The following TNRC6C variants were observed in gnomAD, a reference collection of about 807,000 sequenced individuals.
The protein encoded by TNRC6C is trinucleotide repeat-containing gene 6C protein.
Under a neutral mutation model 153.7 loss-of-function variants are expected in TNRC6C, and 20 were observed. That is an observed-to-expected ratio of 0.13 (90% CI 0.09 to 0.19). TNRC6C has a LOEUF of 0.19. Ranked by LOEUF, TNRC6C falls within the 10% of genes least tolerant of loss-of-function variation. The pLI, the probability that TNRC6C is intolerant of heterozygous loss-of-function variation, is 1.00. For synonymous variants in TNRC6C, 811 were observed against 841.4 expected, an observed-to-expected ratio of 0.96 and a Z score of 0.63; for missense variants, 1,987 against 2,172.0, an observed-to-expected ratio of 0.91 and a Z score of 1.69.
At chr17:78,048,936 TA>T (rs1484930757) in exon 3 of TNRC6C, 1 of 1,286,294 alleles carries the variant, frequency 7.8e-7, no homozygotes, top group Non-Finnish European at 9.8e-7. Context: ...GCAGCTGGGA[TA>T]AAGTGATAAT....
chr17:77,968,364 C>T (rs537953109), intron 1 of TNRC6C, among the ~76,000 whole-genome samples: 1 of 149,742 alleles, frequency 6.7e-6, no homozygotes, highest in Non-Finnish European at 1.5e-5. Context: ...TTGTTTGAGA[C>T]GTAGTCTTGT....
intron 10 of TNRC6C, among the ~76,000 whole-genome samples, chr17:78,081,131 A>G (rs915898467): frequency 3.3e-5 from 5 of 152,146 alleles, no homozygotes; most frequent in Admixed American, 1.3e-4. Context: ...ATGCATCCTC[A>G]TGTGGTGGAA....
intron 3 of TNRC6C, among the ~76,000 whole-genome samples, chr17:78,054,191 A>G (rs1043371366): frequency 6.6e-6 from 1 of 152,172 alleles, no homozygotes; most frequent in Non-Finnish European, 1.5e-5. Flanking sequence ...AAAATGGTGC[A>G]CCTGTATAGG....
chr17:77,970,906 G>A (rs1341170599), intron 1 of TNRC6C, among the ~76,000 whole-genome samples: 1 of 152,184 alleles, frequency 6.6e-6, no homozygotes. Context: ...CTACTCAGGA[G>A]GCTGAGGTGG....
chr17:77,968,030 T>C (rs1427200599), intron 1 of TNRC6C, among the ~76,000 whole-genome samples: 1 of 152,128 alleles, frequency 6.6e-6, no homozygotes, highest in Non-Finnish European at 1.5e-5. Flanking sequence ...ATTCTTATTA[T>C]TCTTATTCTT....
chr17:78,028,455 G>C (rs1176091963), intron 1 of TNRC6C, among the ~76,000 whole-genome samples: 1 of 152,150 alleles, frequency 6.6e-6, no homozygotes, highest in Non-Finnish European at 1.5e-5. Context: ...TGATTTTCTT[G>C]AGAGATACTT....
rs58348772 is a variant in TNRC6C, at chr17:78,086,328, T to TAAAA, written c.3478-146_3478-143dup. 5.4e-3 allele frequency among the ~76,000 whole-genome samples: 287 copies of TAAAA among 53,344 alleles called. 19 individuals are homozygous for TAAAA. The highest frequency in any genetic ancestry group is 0.013 in the African/African-American group (218 of 17,040). 35.0% of individuals were successfully genotyped at this position (53,344 alleles called of 152,430 possible). The stretch of plus-strand genomic sequence containing the variant: ...CTGGATGACAGAGCGAGACTCCATC[T>TAAAA]AAAAAAAAAAAAAAAAAAAAAAAAA... On this transcript the variant is annotated intron_variant, in intron 11 of 19. Transcript: ENST00000301624.
intron 3 of TNRC6C, among the ~76,000 whole-genome samples, chr17:78,061,818 ACATTTCT>A (rs151114115): frequency 6.6e-6 from 1 of 152,336 alleles, no homozygotes; most frequent in East Asian, 1.9e-4. Flanking sequence ...TACTTACTAG[ACATTTCT>A]CCTGCCTTTA....
In TNRC6C at chr17:78,049,399, G is replaced by C; in HGVS notation, c.337G>C (p.Gly113Arg). ...CAACCCAGCTGCCTGGCCTGTACTT[G>C]GACATGAAGGAACCGTGGCGACAGG... The change falls in exon 3 of 20, where the codon GGA becomes CGA. Residue 113 changes from glycine (G) to arginine (R), a missense_variant. Around this residue, in one of 4 missense-constraint regions of TNRC6C, gnomAD observed 1,052 missense variants for 1,017.0 expected, o/e 1.03. Coordinates refer to ENST00000301624, the Ensembl canonical transcript of TNRC6C. The surrounding 1 kb of genome is among the most constrained non-coding windows in gnomAD (Gnocchi z 4.1). 6.2e-7 allele frequency: 1 copy of C among 1,613,996 alleles called. No individual in the cohort carries two copies. The highest frequency in any genetic ancestry group is 8.5e-7 in the Non-Finnish European group (1 of 1,179,876).
At chr17:77,977,076 G>GT (rs2071011825) in intron 1 of TNRC6C, among the ~76,000 whole-genome samples, 1 of 151,184 alleles carries the variant, frequency 6.6e-6, no homozygotes, top group Non-Finnish European at 1.5e-5. Flanking sequence ...TTTCCAGATG[G>GT]TATCTATTTT....
At chr17:78,064,699 C>G (rs1265412672) in intron 3 of TNRC6C, 23 bp from the exon 6 acceptor site, 3 of 1,608,892 alleles carry the variant, frequency 1.9e-6, no homozygotes, top group Non-Finnish European at 2.5e-6. Context: ...ATTATTTTCT[C>G]TACCCCTTGG....
In TNRC6C at chr17:78,044,806, A is replaced by T. The variant is rs959882369; in HGVS notation, c.-218-4039A>T. ...TTTTGGCTATTAGGCCCTTTACAGA[A>T]ATTGTTTGCCACCCTGGTTGGTCTA... is the stretch of plus-strand genomic sequence containing the variant. On this transcript the variant is annotated intron_variant, in intron 2 of 19. Transcript: ENST00000301624. Among the ~76,000 whole-genome samples the T allele has an allele frequency of 1.7e-4, 26 of 152,194 alleles. 1 individual carries two copies. The highest frequency in any genetic ancestry group is 5.8e-4 in the African/African-American group (24 of 41,446).
intron 1 of TNRC6C, among the ~76,000 whole-genome samples, chr17:77,962,104 T>G (rs1231970123): frequency 6.6e-6 from 1 of 152,228 alleles, no homozygotes; most frequent in Non-Finnish European, 1.5e-5. Context: ...AGGTCTTGAT[T>G]GTAACTTAGT....
intron 3 of TNRC6C, among the ~76,000 whole-genome samples, chr17:78,054,098 A>G (rs947125161): frequency 3.3e-5 from 5 of 152,208 alleles, no homozygotes; most frequent in Non-Finnish European, 7.3e-5. Flanking sequence ...TGTACTGAAT[A>G]CTGTAGGCAG....
At chr17:78,067,332 C>A (rs1452023400) in intron 4 of TNRC6C, among the ~76,000 whole-genome samples, 3 of 152,020 alleles carry the variant, frequency 2.0e-5, no homozygotes, top group Non-Finnish European at 4.4e-5. Context: ...CAGAGCAAGA[C>A]CCTGTTTCAA....
intron 13 of TNRC6C, among the ~76,000 whole-genome samples, chr17:78,090,271 TTA>T (rs2073370368): frequency 6.6e-6 from 1 of 152,184 alleles, no homozygotes; most frequent in South Asian, 2.1e-4. Flanking sequence ...TAGCACCTGT[TTA>T]TTTAGACAGG....
exon 4 of TNRC6C, chr17:78,064,759 A>G: frequency 1.2e-6 from 2 of 1,613,872 alleles, no homozygotes; most frequent in Non-Finnish European, 1.7e-6. Context: ...ATGTTCACTC[A>G]AAGACTGAAA....
At chr17:77,967,604 G>T (rs2070908030) in intron 1 of TNRC6C, among the ~76,000 whole-genome samples, 2 of 152,206 alleles carry the variant, frequency 1.3e-5, no homozygotes, top group Admixed American at 6.5e-5. Flanking sequence ...ACCTGAAGGA[G>T]TGGCTAGTTC....
chr17:77,960,423 TC>T (rs2070852187), intron 1 of TNRC6C, among the ~76,000 whole-genome samples: 1 of 152,204 alleles, frequency 6.6e-6, no homozygotes, highest in Non-Finnish European at 1.5e-5. Context: ...TGTGAGAGCC[TC>T]GTACGTCCCT....
Sources: gnomAD v4.1 joint callset for allele counts (sites outside exome capture counted in the v4.1 genomes callset) on GRCh38, gnomAD v4.1.1 for gene constraint, gnomAD v4.1.1 regional missense constraint, Gnocchi (gnomAD v3.1) non-coding constraint, MANE v1.5 for transcripts, NCBI Gene and HGNC (gene_info 2026-07-23, HGNC 2026-07-21) for gene names.